The following MDGA2 variants were observed in gnomAD, a reference collection of about 807,000 sequenced individuals.
MDGA2 encodes MAM domain containing glycosylphosphatidylinositol anchor 2, also known as MAM domain-containing glycosylphosphatidylinositol anchor protein 2.
MDGA2 carries 40 observed loss-of-function variants against 117.8 expected under a neutral mutation model. The observed-to-expected ratio is 0.34, with a 90% CI of 0.26 to 0.44. The LOEUF is 0.44. Ranked by LOEUF, MDGA2 falls within the 20% of genes least tolerant of loss-of-function variation. The probability of loss-of-function intolerance (pLI) is 1.00; values close to 1 mark genes in which losing one functional copy is unlikely to be tolerated. For missense variants in MDGA2, 1,123 were observed against 1,250.6 expected, an observed-to-expected ratio of 0.90 and a Z score of 1.54; for synonymous variants, 452 against 439.0, an observed-to-expected ratio of 1.03 and a Z score of -0.37.
intron 1 of MDGA2, among the ~76,000 whole-genome samples, chr14:47,377,019 G>A (rs2138407202): frequency 6.6e-6 from 1 of 152,212 alleles, no homozygotes. Context: ...TTTGAAGTAG[G>A]CAAGTTTTAG....
chr14:47,359,507 A>G (rs1236726273), intron 1 of MDGA2, among the ~76,000 whole-genome samples: 1 of 152,186 alleles, frequency 6.6e-6, no homozygotes, highest in Non-Finnish European at 1.5e-5. Context: ...ATGGTTAACT[A>G]ATTTTCAACA....
rs572742667 is a variant in MDGA2 at position 47,651,114 on chromosome 14, A to G, written c.280+23403T>C. Among the ~76,000 whole-genome samples the G allele has an allele frequency of 2.9e-4, 44 of 152,178 alleles. 1 individual carries two copies. The South Asian group carries it at 8.7e-3, about 30-fold the overall frequency. On this transcript the variant is annotated intron_variant, in intron 1 of 16. Transcript: ENST00000399232. ...AACTGTCATTTATGTTAACTAGCCT[A>G]TGGTAAAGTCTGTTTCATTATATGT...
chr14:47,451,208 A>T (rs1893234071), intron 1 of MDGA2, among the ~76,000 whole-genome samples: 1 of 152,072 alleles, frequency 6.6e-6, no homozygotes, highest in Admixed American at 6.6e-5. Context: ...ATTCTCTCCT[A>T]CTCAGGGAAG....
At chr14:46,912,877 A>G (rs1191451712) in intron 10 of MDGA2, among the ~76,000 whole-genome samples, 1 of 152,166 alleles carries the variant, frequency 6.6e-6, no homozygotes, top group Admixed American at 6.5e-5. Flanking sequence ...GTAGGAATGA[A>G]GCAGATATAT....
chr14:47,008,835 T>C (rs1213778754), intron 8 of MDGA2, among the ~76,000 whole-genome samples: 1 of 152,024 alleles, frequency 6.6e-6, no homozygotes, highest in Non-Finnish European at 1.5e-5. Flanking sequence ...CAATAATATT[T>C]ATGCTATTTA....
At chr14:47,412,198 A>G (rs1411009020) in intron 1 of MDGA2, among the ~76,000 whole-genome samples, 2 of 152,208 alleles carry the variant, frequency 1.3e-5, no homozygotes, top group Admixed American at 6.5e-5. Flanking sequence ...AAACAAACAA[A>G]CAAACAAACA....
At chr14:47,382,989 T>C (rs751804135) in intron 1 of MDGA2, among the ~76,000 whole-genome samples, 5 of 152,158 alleles carry the variant, frequency 3.3e-5, no homozygotes, top group Non-Finnish European at 5.9e-5. Context: ...ATTAATAAAA[T>C]GTGGCACATA....
chr14:47,445,304 C>T (rs958646734), intron 1 of MDGA2, among the ~76,000 whole-genome samples: 1 of 152,120 alleles, frequency 6.6e-6, no homozygotes, highest in Non-Finnish European at 1.5e-5. Flanking sequence ...ACACTTGAAA[C>T]AGCAGCAAGA....
At chr14:47,583,758 A>G (rs1896271583) in intron 1 of MDGA2, among the ~76,000 whole-genome samples, 1 of 151,874 alleles carries the variant, frequency 6.6e-6, no homozygotes. Context: ...TTACTTTTAA[A>G]GACAACTTCT....
chr14:46,948,332 T>C (rs931857826), intron 9 of MDGA2, among the ~76,000 whole-genome samples: 2 of 152,052 alleles, frequency 1.3e-5, no homozygotes, highest in Admixed American at 6.6e-5. Flanking sequence ...TGACCAGTAC[T>C]GTCTATGAGA....
intron 8 of MDGA2, among the ~76,000 whole-genome samples, chr14:46,961,680 T>C (rs535372372): frequency 6.6e-6 from 1 of 151,736 alleles, no homozygotes; most frequent in African/African-American, 2.4e-5. Flanking sequence ...TCTCACTCTG[T>C]CACCCAGGCT....
intron 7 of MDGA2, among the ~76,000 whole-genome samples, chr14:47,039,251 A>C (rs1193694689): frequency 2.0e-5 from 3 of 152,206 alleles, no homozygotes; most frequent in East Asian, 3.9e-4. Flanking sequence ...AAAGTCTTTC[A>C]AGCCTAAGCA....
chr14:47,078,003 C>T (rs1032964590), intron 6 of MDGA2, among the ~76,000 whole-genome samples: 8 of 151,956 alleles, frequency 5.3e-5, no homozygotes, highest in African/African-American at 1.7e-4. Flanking sequence ...CTTAAAACAT[C>T]AGGCCAAGAG....
At chr14:47,607,785 C>T (rs1424734148) in intron 1 of MDGA2, among the ~76,000 whole-genome samples, 2 of 152,004 alleles carry the variant, frequency 1.3e-5, no homozygotes, top group Non-Finnish European at 2.9e-5. Flanking sequence ...AATAAGCAAA[C>T]TTAATTCAGT....
intron 7 of MDGA2, among the ~76,000 whole-genome samples, chr14:47,053,512 A>G (rs1889530535): frequency 6.6e-6 from 1 of 150,900 alleles, no homozygotes; most frequent in African/African-American, 2.4e-5. Flanking sequence ...GGATCATAGA[A>G]GCAAAACAAC....
At chr14:47,464,781 C>G (rs1382642399) in intron 1 of MDGA2, among the ~76,000 whole-genome samples, 1 of 152,020 alleles carries the variant, frequency 6.6e-6, no homozygotes, top group African/African-American at 2.4e-5. Flanking sequence ...CAATGCTATT[C>G]CTATCAAAAT....
intron 2 of MDGA2, among the ~76,000 whole-genome samples, chr14:47,231,141 T>C (rs560022024): frequency 6.6e-6 from 1 of 152,156 alleles, no homozygotes; most frequent in African/African-American, 2.4e-5. Flanking sequence ...CTAACTTTCC[T>C]ACTACTGCAC....
At chr14:47,667,991 C>T (rs192988944) in intron 1 of MDGA2, among the ~76,000 whole-genome samples, 1 of 152,226 alleles carries the variant, frequency 6.6e-6, no homozygotes, top group East Asian at 1.9e-4. Context: ...ATTTCTAATG[C>T]CTTTCATCAT....
intron 8 of MDGA2, among the ~76,000 whole-genome samples, chr14:46,993,729 C>T (rs920792098): frequency 1.3e-4 from 20 of 152,034 alleles, no homozygotes; most frequent in Admixed American, 9.8e-4. Flanking sequence ...CCAGAGTGTT[C>T]GGATTACAGG....
Sources: allele counts gnomAD v4.1 joint callset (sites outside exome capture counted in the v4.1 genomes callset), GRCh38; gene constraint gnomAD v4.1.1; transcripts MANE v1.5; gene names NCBI Gene and HGNC (gene_info 2026-07-23, HGNC 2026-07-21).